The following THSD4 variants were observed in gnomAD, a reference collection of about 807,000 sequenced individuals.
THSD4 encodes thrombospondin type-1 domain-containing protein 4.
Under a neutral mutation model 119.0 loss-of-function variants are expected in THSD4, and 69 were observed. The ratio of observed to expected loss-of-function variants is 0.58; its 90% confidence interval spans 0.48 to 0.71. The LOEUF (loss-of-function observed/expected upper bound fraction) is 0.71. Ranked by LOEUF, THSD4 falls within the 30% of genes least tolerant of loss-of-function variation. The probability of loss-of-function intolerance (pLI) is 0.00; values close to 1 mark genes in which losing one functional copy is unlikely to be tolerated. For missense variants in THSD4, 1,393 were observed against 1,391.1 expected (o/e 1.00, Z -0.02); for synonymous variants, 524 against 540.4 (o/e 0.97, Z 0.42).
intron 3 of THSD4, among the ~76,000 whole-genome samples, chr15:71,180,817 G>T (rs367701764): frequency 5.3e-4 from 81 of 152,266 alleles, no homozygotes; most frequent in African/African-American, 1.9e-3. Context: ...CTTCCAGGGT[G>T]TTGGAAATAT....
chr15:71,756,574 G>A (rs1446839841), intron 14 of THSD4, among the ~76,000 whole-genome samples: 2 of 152,100 alleles, frequency 1.3e-5, no homozygotes, highest in African/African-American at 4.8e-5. Flanking sequence ...CTTGCGCTCA[G>A]GAGTTTGAGA....
At chr15:71,302,746 C>G (rs1333771555) in intron 6 of THSD4, among the ~76,000 whole-genome samples, 1 of 152,106 alleles carries the variant, frequency 6.6e-6, no homozygotes, top group Non-Finnish European at 1.5e-5. Flanking sequence ...ATGTCATGAT[C>G]TGTCACCCTG....
intron 7 of THSD4, among the ~76,000 whole-genome samples, chr15:71,593,998 G>A (rs1200793286): frequency 1.3e-5 from 2 of 151,290 alleles, no homozygotes; most frequent in East Asian, 1.9e-4. Flanking sequence ...AAAGAGGGAA[G>A]AGGGGAAAGG....
Position 71,240,798 on chromosome 15 carries a change from TACACACACAC to T in THSD4, c.465-1819_465-1810del, listed in dbSNP as rs58462444. 2.3e-3 allele frequency among the ~76,000 whole-genome samples: 330 copies of T among 145,606 alleles called. 2 individuals are homozygous for T. The highest frequency in any genetic ancestry group is 3.1e-3 in the African/African-American group (124 of 39,520). ...TATCCAAGTTTTATATATATGTGTA[TACACACACAC>T]ACACACACACACACACACACACACA... is the stretch of plus-strand genomic sequence containing the variant. On this transcript the variant is annotated intron_variant, in intron 4 of 17. Transcript: ENST00000261862.
chr15:71,278,971 A>C (rs1310959660), intron 6 of THSD4, among the ~76,000 whole-genome samples: 3 of 152,198 alleles, frequency 2.0e-5, no homozygotes, highest in African/African-American at 7.2e-5. Flanking sequence ...CTTTCATCTA[A>C]AGTCATGCTC....
intron 3 of THSD4, among the ~76,000 whole-genome samples, chr15:71,209,846 G>A (rs1352698160): frequency 3.3e-5 from 5 of 152,132 alleles, no homozygotes; most frequent in African/African-American, 1.2e-4. Context: ...ATGATAGTGA[G>A]TAAATTTCAC....
At chr15:71,352,710 T>C (rs1446811597) in intron 6 of THSD4, among the ~76,000 whole-genome samples, 1 of 152,134 alleles carries the variant, frequency 6.6e-6, no homozygotes, top group Non-Finnish European at 1.5e-5. Flanking sequence ...GGAAAAGAAA[T>C]GAATAATTGT....
At chr15:71,657,913 C>G (rs1413404611) in intron 7 of THSD4, among the ~76,000 whole-genome samples, 2 of 152,196 alleles carry the variant, frequency 1.3e-5, no homozygotes, top group Non-Finnish European at 2.9e-5. Flanking sequence ...CTGTGGTTAT[C>G]TGAAGCTATC....
intron 3 of THSD4, among the ~76,000 whole-genome samples, chr15:71,199,647 G>GTGATGCAT (rs1567154704): frequency 3.9e-5 from 5 of 128,556 alleles, no homozygotes; most frequent in African/African-American, 1.2e-4. Flanking sequence ...GTGTGTGTGT[G>GTGATGCAT]GTGTGTGTGT....
At chr15:71,638,916 G>T (rs118191944) in intron 7 of THSD4, among the ~76,000 whole-genome samples, 1 of 152,232 alleles carries the variant, frequency 6.6e-6, no homozygotes, top group East Asian at 1.9e-4. Flanking sequence ...GTCCCTCAGG[G>T]ACCCAGGTTG....
chr15:71,667,425 C>A (rs1350530317), intron 8 of THSD4, among the ~76,000 whole-genome samples: 1 of 152,104 alleles, frequency 6.6e-6, no homozygotes, highest in Non-Finnish European at 1.5e-5. Flanking sequence ...TAAAAGCATA[C>A]CAAGCACAAA....
chr15:71,538,962 C>T (rs11072297), intron 7 of THSD4, among the ~76,000 whole-genome samples: 52,924 of 152,168 alleles, frequency 0.35, 10,024 homozygotes, highest in Non-Finnish European at 0.43. Flanking sequence ...CATAACCCTC[C>T]TTTCAGTGAA....
At chr15:71,449,481 T>C (rs941832533) in intron 7 of THSD4, among the ~76,000 whole-genome samples, 1 of 152,168 alleles carries the variant, frequency 6.6e-6, no homozygotes, top group Non-Finnish European at 1.5e-5. Flanking sequence ...TCAGAAAATA[T>C]GGAGGTGATA....
chr15:71,451,005 C>T (rs983553611), intron 7 of THSD4, among the ~76,000 whole-genome samples: 3 of 152,154 alleles, frequency 2.0e-5, no homozygotes, highest in African/African-American at 4.8e-5. Context: ...TGGCGAAACA[C>T]CGTCTCCACT....
chr15:71,498,721 T>G (rs2048064855), intron 7 of THSD4, among the ~76,000 whole-genome samples: 1 of 152,042 alleles, frequency 6.6e-6, no homozygotes. Flanking sequence ...CCTGAAACAG[T>G]GTCTCACTTT....
chr15:71,775,649 T>C (rs1018013995), intron 17 of THSD4, among the ~76,000 whole-genome samples: 1 of 152,152 alleles, frequency 6.6e-6, no homozygotes, highest in African/African-American at 2.4e-5. Flanking sequence ...AGGCAGAGAT[T>C]GCAATGAGCT....
Position 71,763,837 on chromosome 15 carries a change from G to A in THSD4, c.2590-1183G>A, listed in dbSNP as rs1332982184. 2.0e-5 allele frequency among the ~76,000 whole-genome samples: 3 copies of A among 152,186 alleles called. No individual in the cohort carries two copies. The East Asian group carries it at 5.8e-4, about 29-fold the overall frequency. On this transcript the variant is annotated intron_variant, in intron 15 of 17. Coordinates refer to ENST00000261862, the MANE Select transcript of THSD4 (RefSeq NM_024817.3). ...CCCAGCACTTTGAGAGGCCGAGGCA[G>A]GCAGATCATTTGGGTTCAGGAGTTC...
intron 7 of THSD4, among the ~76,000 whole-genome samples, chr15:71,608,058 C>T (rs1011254312): frequency 6.6e-6 from 1 of 151,816 alleles, no homozygotes; most frequent in African/African-American, 2.4e-5. Context: ...CCTGTCTCTA[C>T]TAAAAATACA....
intron 7 of THSD4, among the ~76,000 whole-genome samples, chr15:71,600,560 C>A (rs2049986843): frequency 6.6e-6 from 1 of 152,114 alleles, no homozygotes; most frequent in Non-Finnish European, 1.5e-5. Flanking sequence ...TCACACCCAA[C>A]CATTTTCAGT....
Sources: allele counts gnomAD v4.1 joint callset (sites outside exome capture counted in the v4.1 genomes callset), GRCh38; gene constraint gnomAD v4.1.1; transcripts MANE v1.5; gene names NCBI Gene and HGNC (gene_info 2026-07-23, HGNC 2026-07-21).